The following DNAH9 variants were observed in gnomAD, a reference collection of about 807,000 sequenced individuals.
DNAH9 encodes the protein DNAH9 variant protein.
Under a neutral mutation model 471.6 loss-of-function variants are expected in DNAH9, and 345 were observed. The observed-to-expected ratio is 0.73, with a 90% CI of 0.67 to 0.80. DNAH9 has a LOEUF of 0.80. Ranked by LOEUF, DNAH9 falls within the 30% of genes least tolerant of loss-of-function variation. The pLI is 0.00. For synonymous variants in DNAH9, 2,093 were observed against 2,123.6 expected, an observed-to-expected ratio of 0.99 and a Z score of 0.40; for missense variants, 5,407 against 5,609.2, an observed-to-expected ratio of 0.96 and a Z score of 1.15.
At chr17:11,687,499 TTCCTTTTTCAC>T (rs2074260113) in intron 19 of DNAH9, among the ~76,000 whole-genome samples, 1 of 152,194 alleles carries the variant, frequency 6.6e-6, no homozygotes. Flanking sequence ...TGTCATTTTC[TTCCTTTTTCAC>T]TCCTTTTGTA....
rs768953862 is a variant in DNAH9 at position 11,701,245 on chromosome 17, C to G, written c.5149C>G (p.Gln1717Glu). ...REQWLFDHPA[Q>E]VALTCTQIWW... Reference sequence around the variant, plus strand: ...GCAGTGGCTTTTTGACCACCCAGCTCAGGTATTCTCCTAATGGGATCCCCA... The same window carrying G: ...GCAGTGGCTTTTTGACCACCCAGCTGAGGTATTCTCCTAATGGGATCCCCA... Residue 1717 changes from glutamine (Q) to glutamate (E), a missense_variant and splice_region_variant, in exon 24 of 69, where the codon CAG (glutamine) becomes GAG (glutamate). By Grantham distance (29) the Gln-to-Glu change is conservative. Transcript: ENST00000262442. 6.2e-7 allele frequency: 1 copy of G among 1,613,102 alleles called. No individual in the cohort carries two copies. The highest frequency in any genetic ancestry group is 8.5e-7 in the Non-Finnish European group (1 of 1,179,868).
intron 48 of DNAH9, among the ~76,000 whole-genome samples, chr17:11,829,243 G>A (rs1274344843): frequency 6.6e-6 from 1 of 152,158 alleles, no homozygotes; most frequent in Admixed American, 6.5e-5. Context: ...ATAAGGCTAA[G>A]GACTTGAGTT....
rs1170890944 is a variant in DNAH9 at position 11,640,369 on chromosome 17, G to T, written c.1886G>T (p.Gly629Val). 1 of 1,610,812 alleles carries T rather than the reference G, an allele frequency of 6.2e-7. No homozygotes were observed. Among genetic ancestry groups the T allele is most frequent in the East Asian group, 2.2e-5 (1 of 44,852 alleles). Residue 629 changes from glycine (G) to valine (V), a missense_variant, in exon 10 of 69, where the codon GGA becomes GTA. Transcript: ENST00000262442. ...ATCCAGGGTCCTTTCAGCAACTTTGGACGCATCACACACCCGTGAGTATTG... is the reference window on the plus strand; with the variant it reads ...ATCCAGGGTCCTTTCAGCAACTTTGTACGCATCACACACCCGTGAGTATTG... ...QRIQGPFSNFGRITHPCMESA... is the reference protein window; with the variant it reads ...QRIQGPFSNFVRITHPCMESA...
intron 32 of DNAH9, among the ~76,000 whole-genome samples, chr17:11,750,059 A>G (rs558975695): frequency 6.6e-6 from 1 of 152,248 alleles, no homozygotes; most frequent in African/African-American, 2.4e-5. Flanking sequence ...TAAATTTGGG[A>G]AAATTGACAA....
At chr17:11,794,719 A>G (rs1489920878) in intron 42 of DNAH9, among the ~76,000 whole-genome samples, 2 of 152,078 alleles carry the variant, frequency 1.3e-5, no homozygotes, top group East Asian at 1.9e-4. Flanking sequence ...CTTAAAGACT[A>G]TAGTTTTGTT....
At chr17:11,959,740 T>C (rs1170598220) in intron 67 of DNAH9, among the ~76,000 whole-genome samples, 1 of 152,240 alleles carries the variant, frequency 6.6e-6, no homozygotes. Context: ...GGAGCCTTGA[T>C]GTGGCCTCAG....
chr17:11,826,716 C>T (rs934841219), intron 48 of DNAH9, among the ~76,000 whole-genome samples: 17 of 151,568 alleles, frequency 1.1e-4, no homozygotes, highest in African/African-American at 3.6e-4. Context: ...CCCGCCTCGG[C>T]GTCCCAAAGT....
intron 36 of DNAH9, among the ~76,000 whole-genome samples, chr17:11,764,250 A>G (rs1044374033): frequency 3.9e-5 from 6 of 152,136 alleles, no homozygotes; most frequent in African/African-American, 1.4e-4. Flanking sequence ...CCCTTCTTGT[A>G]TTCCCAGCAT....
At chr17:11,752,346 C>G (rs1271380189) in intron 32 of DNAH9, among the ~76,000 whole-genome samples, 4 of 152,160 alleles carry the variant, frequency 2.6e-5, no homozygotes, top group African/African-American at 9.7e-5. Context: ...ACTTAAAAAG[C>G]TTGTACTATC....
intron 41 of DNAH9, among the ~76,000 whole-genome samples, chr17:11,792,847 G>A (rs1969110117): frequency 6.6e-6 from 1 of 152,170 alleles, no homozygotes; most frequent in Non-Finnish European, 1.5e-5. Flanking sequence ...AGTTAGGAAG[G>A]CAACTTACTC....
At chr17:11,909,781 C>A (rs1049943658) in intron 61 of DNAH9, among the ~76,000 whole-genome samples, 1 of 152,038 alleles carries the variant, frequency 6.6e-6, no homozygotes, top group Non-Finnish European at 1.5e-5. Context: ...ATACAATTCA[C>A]CCATTTAAAG....
intron 28 of DNAH9, among the ~76,000 whole-genome samples, chr17:11,732,955 C>T (rs774471820): frequency 5.1e-4 from 77 of 152,280 alleles, no homozygotes; most frequent in Middle Eastern, 3.4e-3. Context: ...CCAAGTACTC[C>T]AGGCACCAAA....
chr17:11,632,281 C>T (rs2073084295), intron 7 of DNAH9, among the ~76,000 whole-genome samples: 1 of 152,090 alleles, frequency 6.6e-6, no homozygotes, highest in Admixed American at 6.6e-5. Context: ...GTTATGTGAG[C>T]TGGTGTTATG....
At chr17:11,961,135 T>A (rs1230536855) in intron 67 of DNAH9, among the ~76,000 whole-genome samples, 1 of 151,980 alleles carries the variant, frequency 6.6e-6, no homozygotes, top group Non-Finnish European at 1.5e-5. Context: ...ACCAACATGG[T>A]GAAACCCTGT....
At chr17:11,748,525 T>G (rs1251967868) in intron 32 of DNAH9, among the ~76,000 whole-genome samples, 1 of 152,148 alleles carries the variant, frequency 6.6e-6, no homozygotes, top group East Asian at 1.9e-4. Flanking sequence ...TATTTGATGT[T>G]GCCCCAGCAG....
At position 11,784,638 on chromosome 17, in the gene DNAH9, C is replaced by T. The variant is rs919913969; in HGVS notation, c.8061+99C>T. 9.9e-6 allele frequency: 15 copies of T among 1,518,032 alleles called. No individual in the cohort carries two copies. The East Asian group carries it at 1.4e-4, about 14-fold the overall frequency. The allele number at this position is 1,518,032 out of a possible 1,614,324, so 94.0% of individuals were successfully genotyped here. On this transcript the variant is annotated intron_variant, in intron 41 of 68. Coordinates refer to ENST00000262442, the MANE Select transcript of DNAH9 (RefSeq NM_001372.4). Reference sequence around the variant, plus strand: ...GTAGCTAATGCCCAGCTCATAGGCACAGGCAAAGCCACTGTTCATATGTAA... The same window carrying T: ...GTAGCTAATGCCCAGCTCATAGGCATAGGCAAAGCCACTGTTCATATGTAA...
At position 11,640,383 on chromosome 17, in the gene DNAH9, C is replaced by T. The variant is rs750495023; in HGVS notation, c.1900C>T (p.Pro634Ser). ...CAGCAACTTTGGACGCATCACACAC[C>T]CGTGAGTATTGTGTTCCTGAAAGAC... ...PFSNFGRITH[P>S]CMESAEGKRM... Residue 634 changes from proline (P) to serine (S), a missense_variant and splice_region_variant, in exon 10 of 69, where the codon CCT becomes TCT. Coordinates refer to ENST00000262442, the MANE Select transcript of DNAH9 (RefSeq NM_001372.4). 5 of 1,589,250 alleles carry T rather than the reference C, an allele frequency of 3.1e-6. No homozygotes were observed. The highest frequency in any genetic ancestry group is 4.3e-6 in the Non-Finnish European group (5 of 1,157,360).
At chr17:11,924,755 C>A (rs1011148145) in intron 62 of DNAH9, among the ~76,000 whole-genome samples, 3 of 151,320 alleles carry the variant, frequency 2.0e-5, no homozygotes, top group Non-Finnish European at 4.4e-5. Context: ...TCCTGAGGAG[C>A]TGGGATTACA....
At chr17:11,859,961 C>T (rs1971783134) in intron 50 of DNAH9, among the ~76,000 whole-genome samples, 2 of 152,172 alleles carry the variant, frequency 1.3e-5, no homozygotes, top group South Asian at 4.1e-4. Flanking sequence ...CACTCTTACC[C>T]CTGCCTTCAG....
Sources: gnomAD v4.1 joint callset for allele counts (sites outside exome capture counted in the v4.1 genomes callset) on GRCh38, gnomAD v4.1.1 for gene constraint, MANE v1.5 for transcripts, NCBI Gene and HGNC (gene_info 2026-07-23, HGNC 2026-07-21) for gene names.